CNBD2: variants seen among roughly 807,000 people sequenced by gnomAD.
CNBD2 encodes the protein cyclic nucleotide-binding domain-containing protein 2.
CNBD2 carries 64 observed loss-of-function variants against 63.7 expected under a neutral mutation model. The ratio of observed to expected loss-of-function variants is 1.00; its 90% CI spans 0.82 to 1.24. CNBD2 has a LOEUF of 1.24. CNBD2 is among the 50% of genes most tolerant of loss of function. The pLI, the probability that CNBD2 is intolerant of heterozygous loss-of-function variation, is 0.00. For missense variants in CNBD2, 691 were observed against 713.5 expected (o/e 0.97, Z 0.36); for synonymous variants, 229 against 255.4 (o/e 0.90, Z 0.99).
chr20:35,954,567 G>T (rs2056229451), upstream of CNBD2: 1 of 1,470,550 alleles, frequency 6.8e-7, no homozygotes, highest in Non-Finnish European at 9.1e-7. Context: ...GCCCTCTAGC[G>T]TTCTCGAGTC....
chr20:35,954,517 G>C (rs2056228387), upstream of CNBD2: 1 of 1,528,688 alleles, frequency 6.5e-7, no homozygotes, highest in Admixed American at 2.0e-5. Context: ...AGGTCGGCGC[G>C]CGAGCACCCG....
chr20:36,001,189 TC>T (rs1320808495), intron 8 of CNBD2, among the ~76,000 whole-genome samples: 1 of 151,826 alleles, frequency 6.6e-6, no homozygotes, highest in East Asian at 1.9e-4. Flanking sequence ...TCCCCACCTT[TC>T]CCCCCTTTCT....
At chr20:36,009,811 A>C in intron 9 of CNBD2, among the ~76,000 whole-genome samples, 1 of 152,156 alleles carries the variant, frequency 6.6e-6, no homozygotes, top group East Asian at 1.9e-4. Flanking sequence ...CAGCCTGTGC[A>C]ACAGAGCGAG....
chr20:35,969,722 C>T (rs2056386197), intron 1 of CNBD2, among the ~76,000 whole-genome samples: 1 of 152,138 alleles, frequency 6.6e-6, no homozygotes, highest in Non-Finnish European at 1.5e-5. Flanking sequence ...TACTAATGAA[C>T]ATTTGTTTTC....
upstream of CNBD2, among the ~76,000 whole-genome samples, chr20:35,966,255 T>G (rs1296573565): frequency 6.6e-6 from 1 of 152,194 alleles, no homozygotes; most frequent in African/African-American, 2.4e-5. Flanking sequence ...TCTTTTCTCA[T>G]GGTATGGGGG....
At chr20:36,003,305 C>G (rs1299760875) in intron 8 of CNBD2, among the ~76,000 whole-genome samples, 1 of 152,042 alleles carries the variant, frequency 6.6e-6, no homozygotes, top group East Asian at 1.9e-4. Context: ...TATTTTCCTA[C>G]TTCTTTGTAT....
chr20:35,988,516 A>G (rs558235753), intron 7 of CNBD2, among the ~76,000 whole-genome samples: 1 of 152,284 alleles, frequency 6.6e-6, no homozygotes, highest in East Asian at 1.9e-4. Flanking sequence ...ACATTAGGAA[A>G]CTTTCTGGAA....
downstream of CNBD2, among the ~76,000 whole-genome samples, chr20:35,958,640 T>TTG (rs141670470): frequency 6.2e-3 from 922 of 149,498 alleles, 8 homozygotes; most frequent in East Asian, 0.016. Flanking sequence ...ATACATGCAT[T>TTG]TGTGTGTGTG....
chr20:36,026,466 A>AC (rs921438763), intron 11 of CNBD2, among the ~76,000 whole-genome samples: 1 of 151,648 alleles, frequency 6.6e-6, no homozygotes, highest in Non-Finnish European at 1.5e-5. Context: ...GTTGTGTTAA[A>AC]CTCCTGCTTG....
intron 7 of CNBD2, among the ~76,000 whole-genome samples, chr20:35,994,065 GTTTGT>G (rs1295358914): frequency 2.7e-5 from 4 of 147,076 alleles, no homozygotes; most frequent in African/African-American, 1.0e-4. Flanking sequence ...TTTTTTGTTT[GTTTGT>G]TTTGTTTTGT....
At chr20:35,955,880 C>T (rs1018368710), downstream of CNBD2, among the ~76,000 whole-genome samples, 1 of 152,166 alleles carries the variant, frequency 6.6e-6, no homozygotes, top group Non-Finnish European at 1.5e-5. Flanking sequence ...CCACCACACC[C>T]GGCTAATATT....
chr20:36,030,214 G>T, intron 11 of CNBD2, 143 bp from the exon 12 acceptor site: 1 of 806,540 alleles, frequency 1.2e-6, no homozygotes. Context: ...ACTGTGGAAA[G>T]GGAAAGGGTG....
chr20:35,955,671 T>C (rs762575779), downstream of CNBD2, among the ~76,000 whole-genome samples: 3 of 152,202 alleles, frequency 2.0e-5, no homozygotes, highest in Non-Finnish European at 2.9e-5. Context: ...TCAGAGGTAA[T>C]TGAGAATTCA....
At chr20:35,967,658 G>A (rs2056357816), upstream of CNBD2, among the ~76,000 whole-genome samples, 1 of 151,454 alleles carries the variant, frequency 6.6e-6, no homozygotes, top group African/African-American at 2.4e-5. Context: ...CTTGAGACCA[G>A]CCTGGGCAAC....
At position 36,008,472 on chromosome 20, in the gene CNBD2, C is replaced by G; in HGVS notation, c.1146C>G (p.Ile382Met). Residue 382 changes from isoleucine to methionine, a missense_variant and splice_region_variant, in exon 9 of 12, where the codon ATC (isoleucine) becomes ATG (methionine). Coordinates refer to ENST00000373973, the MANE Select transcript of CNBD2 (RefSeq NM_001365709.1). Reference sequence around the variant, plus strand: ...TCCCCAAGATGCTGGGCCCGAAGATCCAGTAAGCTCAGCCCTGGGCAGATA... The same window carrying G: ...TCCCCAAGATGCTGGGCCCGAAGATGCAGTAAGCTCAGCCCTGGGCAGATA... ...DTLPKMLGPK[I>M]QSRPAQSIKC... 6.2e-7 allele frequency: 1 copy of G among 1,609,778 alleles called. No individual in the cohort carries two copies. The highest frequency in any genetic ancestry group is 1.1e-5 in the South Asian group (1 of 90,274).
At chr20:36,018,541 TAGG>T (rs1245823268) in intron 10 of CNBD2, among the ~76,000 whole-genome samples, 2 of 152,152 alleles carry the variant, frequency 1.3e-5, no homozygotes, top group Non-Finnish European at 2.9e-5. Flanking sequence ...GCTTCAGCTG[TAGG>T]AGAATGAGAG....
rs2057329273 is a variant in CNBD2 at position 36,030,346 on chromosome 20, C to T, written c.1440-11C>T. 1.1e-5 allele frequency: 17 copies of T among 1,613,336 alleles called. No homozygotes were observed. Among genetic ancestry groups the T allele is most frequent in the Non-Finnish European group, 1.4e-5 (17 of 1,179,432 alleles). On this transcript the variant is annotated splice_polypyrimidine_tract_variant and intron_variant, in intron 11 of 11. Transcript: ENST00000373973. ...GGCATGAGAACCTCGGCTTCTGTGC[C>T]TGCCCTTTAGTGATGAAGATATGTG... is the stretch of plus-strand genomic sequence containing the variant.
chr20:35,976,414 A>G (rs2056519401), intron 3 of CNBD2, among the ~76,000 whole-genome samples: 3 of 152,096 alleles, frequency 2.0e-5, no homozygotes, highest in Non-Finnish European at 1.5e-5. Context: ...TGCTGGGCAC[A>G]CCTCTCACAC....
At chr20:35,985,779 C>T (rs6142473) in intron 6 of CNBD2, among the ~76,000 whole-genome samples, 8,276 of 152,226 alleles carry the variant, frequency 0.054, 318 homozygotes, top group South Asian at 0.21. Flanking sequence ...TAAGCCACTG[C>T]GCCTGGCCCA....
Sources: allele counts gnomAD v4.1 joint callset (sites outside exome capture counted in the v4.1 genomes callset), GRCh38; gene constraint gnomAD v4.1.1; transcripts MANE v1.5; gene names NCBI Gene and HGNC (gene_info 2026-07-23, HGNC 2026-07-21).